SH3BGRL2: variants seen among roughly 807,000 people sequenced by gnomAD.
The protein encoded by SH3BGRL2 is SH3 domain binding glutamate rich protein like 2, also known as SH3 domain-binding glutamic acid-rich-like protein 2.
In SH3BGRL2, 21 loss-of-function variants were observed where a neutral mutation model predicts 14.8. That is an observed-to-expected ratio of 1.42 (90% CI 1.01 to 2.05). SH3BGRL2 has a LOEUF of 2.05. SH3BGRL2 is among the 30% of genes most tolerant of loss of function. The pLI, the probability that SH3BGRL2 is intolerant of heterozygous loss-of-function variation, is 0.00. For missense variants in SH3BGRL2, 147 were observed against 130.8 expected (o/e 1.12, Z -0.61); for synonymous variants, 50 against 47.8 (o/e 1.05, Z -0.19).
In SH3BGRL2 at chr6:79,702,352, C is replaced by T. The variant is rs1399848180; in HGVS notation, c.*2843C>T. On this transcript the variant is annotated 3_prime_UTR_variant, in exon 4 of 4. Transcript: ENST00000369838. The stretch of plus-strand genomic sequence containing the variant: ...AGGGGTTTTGCTTTTTCTAGAGATA[C>T]TTTTCATTTAACAGCTTTTGTTAAG... The T allele has an allele frequency of 6.6e-6, 1 of 152,536 alleles. No individual in the cohort carries two copies. Among genetic ancestry groups the T allele is most frequent in the African/African-American group, 2.4e-5 (1 of 41,438 alleles). The allele number at this position is 152,536 out of a possible 1,614,324, so 9.4% of individuals were successfully genotyped here.
the SH3BGRL2 span, among the ~76,000 whole-genome samples, chr6:79,604,824 C>T: frequency 6.6e-6 from 1 of 152,128 alleles, no homozygotes; most frequent in Admixed American, 6.6e-5. Context: ...ATGACTAGAC[C>T]CTGGACTTTG....
At chr6:79,563,101 A>G in the SH3BGRL2 span, among the ~76,000 whole-genome samples, 1 of 150,076 alleles carries the variant, frequency 6.7e-6, no homozygotes, top group Non-Finnish European at 1.5e-5. Flanking sequence ...GACTACAGGC[A>G]CCGGCCACCA....
At position 79,673,582 on chromosome 6, in the gene SH3BGRL2, T is replaced by A. The variant is rs566640475; in HGVS notation, c.46-32T>A. 40 of 1,601,738 alleles carry A rather than the reference T, an allele frequency of 2.5e-5. 1 individual carries two copies. In the South Asian group the frequency reaches 2.7e-4, roughly 11 times the overall value. Reference sequence around the variant, plus strand: ...ATATACATACTGTTTCAGATAAGCGTATCTACTTATTTGTTTGTCTTCTCT... The same window carrying A: ...ATATACATACTGTTTCAGATAAGCGAATCTACTTATTTGTTTGTCTTCTCT... On this transcript the variant is annotated intron_variant, in intron 1 of 3. Transcript: ENST00000369838.
chr6:79,638,980 TC>T (rs1316498269), intron 1 of SH3BGRL2, among the ~76,000 whole-genome samples: 1 of 152,194 alleles, frequency 6.6e-6, no homozygotes, highest in Non-Finnish European at 1.5e-5. Flanking sequence ...GCAGGAAGAC[TC>T]ATGTAAGATG....
In SH3BGRL2 at chr6:79,647,979, T is replaced by G. The variant is rs184363280; in HGVS notation, c.45+16473T>G. On this transcript the variant is annotated intron_variant, in intron 1 of 3. Coordinates refer to ENST00000369838, the MANE Select transcript of SH3BGRL2 (RefSeq NM_031469.4). ...AGACAAGTGGCTACCCTGTAGTTAA[T>G]TCCACAGCAGTGTTTTAATAGTGAG... 6.6e-5 allele frequency among the ~76,000 whole-genome samples: 10 copies of G among 152,060 alleles called. No homozygotes were observed. The East Asian group carries it at 1.9e-3, about 29-fold the overall frequency.
the SH3BGRL2 span, among the ~76,000 whole-genome samples, chr6:79,555,363 T>C: frequency 6.6e-6 from 1 of 151,846 alleles, no homozygotes; most frequent in Admixed American, 6.6e-5. Flanking sequence ...GGCAGGAAAA[T>C]TGCTTGAACC....
chr6:79,615,182 G>A, the SH3BGRL2 span, among the ~76,000 whole-genome samples: 1 of 152,308 alleles, frequency 6.6e-6, no homozygotes, highest in East Asian at 1.9e-4. Flanking sequence ...GAGGCCATAA[G>A]GCCCCTGGGT....
At chr6:79,603,952 G>A in the SH3BGRL2 span, among the ~76,000 whole-genome samples, 100 of 152,128 alleles carry the variant, frequency 6.6e-4, 1 homozygote, top group Admixed American at 1.0e-3. Context: ...TTACAGGTGC[G>A]CGTTACCACA....
At chr6:79,607,807 T>TACC in the SH3BGRL2 span, among the ~76,000 whole-genome samples, 1 of 151,958 alleles carries the variant, frequency 6.6e-6, no homozygotes, top group South Asian at 2.1e-4. Flanking sequence ...TAGTCGGGCG[T>TACC]GGTGGCAGGC....
chr6:79,600,447 G>A, the SH3BGRL2 span, among the ~76,000 whole-genome samples: 2 of 152,178 alleles, frequency 1.3e-5, no homozygotes, highest in Admixed American at 6.5e-5. Flanking sequence ...TGGCAGTTGA[G>A]TGTTTTCCAG....
chr6:79,602,800 A>G, the SH3BGRL2 span, among the ~76,000 whole-genome samples: 28 of 150,280 alleles, frequency 1.9e-4, no homozygotes, highest in Admixed American at 1.7e-3. Flanking sequence ...CATGTAAGTA[A>G]TGCAGTTTTA....
chr6:79,624,284 A>C, the SH3BGRL2 span, among the ~76,000 whole-genome samples: 1 of 149,882 alleles, frequency 6.7e-6, no homozygotes, highest in East Asian at 1.9e-4. Flanking sequence ...TATCATATAT[A>C]TATCATCTAT....
chr6:79,649,862 C>T (rs1371982009), intron 1 of SH3BGRL2, among the ~76,000 whole-genome samples: 1 of 152,074 alleles, frequency 6.6e-6, no homozygotes, highest in Non-Finnish European at 1.5e-5. Flanking sequence ...TCTCTAGTTC[C>T]TCGGGAAGTG....
intron 1 of SH3BGRL2, among the ~76,000 whole-genome samples, chr6:79,670,471 G>A (rs564363418): frequency 1.1e-3 from 171 of 152,346 alleles, no homozygotes; most frequent in Middle Eastern, 3.4e-3. Context: ...TTTATCCAGT[G>A]ACAAATATTC....
At chr6:79,598,801 G>A in the SH3BGRL2 span, among the ~76,000 whole-genome samples, 1 of 149,958 alleles carries the variant, frequency 6.7e-6, no homozygotes, top group Non-Finnish European at 1.5e-5. Flanking sequence ...GCTCAACCTC[G>A]GCTGGGCGCG....
intron 1 of SH3BGRL2, among the ~76,000 whole-genome samples, chr6:79,633,420 G>C (rs1582710595): frequency 6.6e-6 from 1 of 152,106 alleles, no homozygotes; most frequent in East Asian, 1.9e-4. Context: ...TAGTCTCAAG[G>C]TAATAGGTAT....
chr6:79,602,875 A>G, the SH3BGRL2 span, among the ~76,000 whole-genome samples: 1 of 152,238 alleles, frequency 6.6e-6, no homozygotes, highest in African/African-American at 2.4e-5. Flanking sequence ...CTGAAAACCC[A>G]GAAGAAAGTT....
chr6:79,601,776 A>T, the SH3BGRL2 span, among the ~76,000 whole-genome samples: 1 of 152,162 alleles, frequency 6.6e-6, no homozygotes, highest in African/African-American at 2.4e-5. Context: ...AATATACATC[A>T]TTCTCTCTGG....
chr6:79,546,760 T>A, the SH3BGRL2 span, among the ~76,000 whole-genome samples: 1 of 151,720 alleles, frequency 6.6e-6, no homozygotes, highest in African/African-American at 2.4e-5. Flanking sequence ...TGCAATTATC[T>A]CAGCTCACTG....
Sources: allele counts gnomAD v4.1 joint callset (sites outside exome capture counted in the v4.1 genomes callset), GRCh38; gene constraint gnomAD v4.1.1; transcripts MANE v1.5; gene names NCBI Gene and HGNC (gene_info 2026-07-23, HGNC 2026-07-21).